The following SSR1 variants were observed in gnomAD, a reference collection of about 807,000 sequenced individuals.
SSR1 encodes signal sequence receptor subunit 1.
A neutral mutation model predicts 36.1 loss-of-function variants in SSR1; 13 were observed. The observed-to-expected ratio is 0.36, with a 90% CI of 0.23 to 0.57. The LOEUF is 0.57. Among genes scored for constraint, SSR1 ranks in the 20% least tolerant of loss-of-function variants. SSR1 has a pLI of 0.81. For missense variants in SSR1, 291 were observed against 338.5 expected, an observed-to-expected ratio of 0.86 and a Z score of 1.10; for synonymous variants, 113 against 118.9, an observed-to-expected ratio of 0.95 and a Z score of 0.32.
At position 7,288,926 on chromosome 6, in the gene SSR1, G is replaced by T. The variant is rs1313854615; in HGVS notation, c.*938C>A. On this transcript the variant is annotated 3_prime_UTR_variant, in exon 8 of 8. Transcript: ENST00000244763. ...TCCAACTCACTTTCTTCATTGATTA[G>T]GAGTAACTGGGAAATATCTCTGTCC... is the stretch of plus-strand genomic sequence containing the variant. The T allele has an allele frequency of 6.6e-6, 1 of 152,150 alleles. No individual in the cohort carries two copies. Among genetic ancestry groups the T allele is most frequent in the African/African-American group, 2.4e-5 (1 of 41,434 alleles). 9.4% of individuals were successfully genotyped at this position (152,150 alleles called of 1,614,324 possible).
intron 2 of SSR1, among the ~76,000 whole-genome samples, chr6:7,304,672 G>A (rs1025588962): frequency 1.3e-5 from 2 of 152,122 alleles, no homozygotes; most frequent in Admixed American, 1.3e-4. Flanking sequence ...TTTAAAATGT[G>A]AACAAATTTT....
At chr6:7,304,920 TAAGAG>T (rs1758023205) in intron 2 of SSR1, among the ~76,000 whole-genome samples, 1 of 152,208 alleles carries the variant, frequency 6.6e-6, no homozygotes, top group African/African-American at 2.4e-5. Context: ...CTCATGCACT[TAAGAG>T]AGAGTGCACT....
At chr6:7,297,215 T>TTAA (rs1757818795) in intron 6 of SSR1, 1 of 19,478 alleles carries the variant, frequency 5.1e-5, no homozygotes, top group African/African-American at 3.6e-4. Flanking sequence ...CCAGACTGTC[T>TTAA]CAAAAAAAAA....
At chr6:7,310,067 T>G in intron 1 of SSR1, 38 bp from the exon 2 acceptor site, 2 of 1,529,552 alleles carry the variant, frequency 1.3e-6, no homozygotes, top group Non-Finnish European at 1.8e-6. Context: ...TACCCTTTAC[T>G]CTGAAATACT....
At chr6:7,298,942 G>T in intron 4 of SSR1, 119 bp from the exon 5 acceptor site, 1 of 733,958 alleles carries the variant, frequency 1.4e-6, no homozygotes. Flanking sequence ...TCACTTAGAA[G>T]ACTCAACAAA....
Position 7,286,860 on chromosome 6 carries a change from C to G in SSR1, c.*3004G>C, listed in dbSNP as rs947925044. On this transcript the variant is annotated 3_prime_UTR_variant, in exon 8 of 8. Transcript: ENST00000244763. ...CCAAGAGGCAGAAGTTGCAGTGAGC[C>G]GAGATCGCACCACTGCACTCCAGCC... is the stretch of plus-strand genomic sequence containing the variant. 1 of 135,908 alleles carries G rather than the reference C, an allele frequency of 7.4e-6. No homozygotes were observed. The highest frequency in any genetic ancestry group is 1.5e-5 in the Non-Finnish European group (1 of 66,260). 8.4% of individuals were successfully genotyped at this position (135,908 alleles called of 1,614,324 possible).
At chr6:7,310,183 T>A (rs1758158961) in intron 1 of SSR1, among the ~76,000 whole-genome samples, 154 bp from the exon 2 acceptor site, 1 of 152,138 alleles carries the variant, frequency 6.6e-6, no homozygotes, top group East Asian at 1.9e-4. Flanking sequence ...CGAAGAATAT[T>A]TATATTTTAG....
rs1376669672 is a variant in SSR1, at chr6:7,282,984, T to C, written c.*6880A>G. ...GGACCAACTGCTTTGAATCTTCCAC[T>C]GTGGATGATGGCAACTGGTCCTTTT... On this transcript the variant is annotated 3_prime_UTR_variant, in exon 8 of 8. Transcript: ENST00000244763. The C allele has an allele frequency of 1.3e-5, 2 of 152,256 alleles. No individual in the cohort carries two copies. The highest frequency in any genetic ancestry group is 2.9e-5 in the Non-Finnish European group (2 of 68,042). The allele number at this position is 152,256 out of a possible 1,614,324, so 9.4% of individuals were successfully genotyped here. A position where few individuals can be genotyped will look rare whatever the true frequency, so the allele number is the denominator to read the frequency against.
At chr6:7,300,105 AGAGTT>A (rs1314334758) in intron 4 of SSR1, among the ~76,000 whole-genome samples, 7 of 152,194 alleles carry the variant, frequency 4.6e-5, no homozygotes, top group African/African-American at 1.4e-4. Context: ...ACTTAACTAT[AGAGTT>A]AAGTAATAAC....
At chr6:7,310,456 T>C (rs1758165208) in intron 1 of SSR1, among the ~76,000 whole-genome samples, 1 of 152,034 alleles carries the variant, frequency 6.6e-6, no homozygotes, top group East Asian at 1.9e-4. Flanking sequence ...GATGGAAAAA[T>C]GAATGGCACA....
chr6:7,307,699 A>AT (rs1408279930), intron 2 of SSR1, among the ~76,000 whole-genome samples: 63 of 152,210 alleles, frequency 4.1e-4, no homozygotes, highest in Non-Finnish European at 7.2e-4. Flanking sequence ...GACTCAGCTA[A>AT]TTTTTTTAGT....
intron 4 of SSR1, 130 bp downstream of exon 4, chr6:7,301,180 G>T: frequency 1.8e-6 from 2 of 1,135,480 alleles, no homozygotes; most frequent in Non-Finnish European, 2.4e-6. Context: ...ATTTATCTTT[G>T]CTTCCCTGGT....
intron 2 of SSR1, among the ~76,000 whole-genome samples, chr6:7,308,610 T>C (rs959558586): frequency 6.6e-6 from 1 of 152,220 alleles, no homozygotes; most frequent in Non-Finnish European, 1.5e-5. Context: ...CTTACTGTTG[T>C]ATTACATAGT....
chr6:7,306,586 TTA>T (rs1462647677), intron 2 of SSR1, among the ~76,000 whole-genome samples: 8 of 152,020 alleles, frequency 5.3e-5, no homozygotes, highest in African/African-American at 1.9e-4. Flanking sequence ...CGACCCAGTT[TTA>T]TAGAGTAAAA....
intron 7 of SSR1, among the ~76,000 whole-genome samples, chr6:7,293,991 C>T (rs1254811803): frequency 6.6e-6 from 1 of 151,944 alleles, no homozygotes; most frequent in Non-Finnish European, 1.5e-5. Context: ...CCTTTTTTTC[C>T]CCTTTTAGGA....
At chr6:7,312,726 G>A (rs1035733157) in intron 1 of SSR1, among the ~76,000 whole-genome samples, 1 of 152,228 alleles carries the variant, frequency 6.6e-6, no homozygotes, top group Admixed American at 6.5e-5. Context: ...TGCAGCCGAG[G>A]ACCCTCCAGT....
At chr6:7,297,126 G>A in intron 6 of SSR1, 1 of 348,308 alleles carries the variant, frequency 2.9e-6, no homozygotes, top group Non-Finnish European at 5.7e-6. Context: ...AAGCTGAGGT[G>A]GGAGGATGAC....
rs1238691547 is a variant in SSR1, at chr6:7,298,647, A to C, written c.620+100T>G. 3 of 840,490 alleles carry C rather than the reference A, an allele frequency of 3.6e-6. No homozygotes were observed. The African/African-American group carries it at 5.0e-5, about 14-fold the overall frequency. The allele number at this position is 840,490 out of a possible 1,614,324, so 52.1% of individuals were successfully genotyped here. A position where few individuals can be genotyped will look rare whatever the true frequency, so the allele number is the denominator to read the frequency against. ...GGATTTCACCAAATCTATACAGTTC[A>C]TTCCATCGTCAACATCTAAAACAAT... On this transcript the variant is annotated intron_variant, in intron 5 of 7. Transcript: ENST00000244763.
In SSR1 at chr6:7,287,638, TAA is replaced by T. The variant is rs1179192493; in HGVS notation, c.*2224_*2225del. 6.6e-6 allele frequency: 1 copy of T among 152,488 alleles called. No homozygotes were observed. The highest frequency in any genetic ancestry group is 6.5e-5 in the Admixed American group (1 of 15,282). The allele number at this position is 152,488 out of a possible 1,614,324, so 9.4% of individuals were successfully genotyped here. A position where few individuals can be genotyped will look rare whatever the true frequency, so the allele number is the denominator to read the frequency against. ...GGATAGGTTTGATACACAAGATCCT[TAA>T]AGTCATTTTACATATTCTGAAACCA... On this transcript the variant is annotated 3_prime_UTR_variant, in exon 8 of 8. Transcript: ENST00000244763.
Sources: allele counts gnomAD v4.1 joint callset (sites outside exome capture counted in the v4.1 genomes callset), GRCh38; gene constraint gnomAD v4.1.1; transcripts MANE v1.5; gene names NCBI Gene and HGNC (gene_info 2026-07-23, HGNC 2026-07-21).